The following DMXL2 variants were observed in gnomAD, a reference collection of about 807,000 sequenced individuals.
DMXL2 encodes the protein dmX-like protein 2.
DMXL2 carries 103 observed loss-of-function variants against 331.1 expected under a neutral mutation model. The observed-to-expected ratio is 0.31, with a 90% CI of 0.27 to 0.37. The LOEUF (loss-of-function observed/expected upper bound fraction) is 0.37. DMXL2 is among the 10% of genes least tolerant of loss of function. The probability of loss-of-function intolerance (pLI) is 1.00; values close to 1 mark genes in which losing one functional copy is unlikely to be tolerated. For synonymous variants in DMXL2, 1,281 were observed against 1,252.1 expected (o/e 1.02, Z -0.49); for missense variants, 3,171 against 3,642.9 (o/e 0.87, Z 3.33).
chr15:51,545,551 A>G (rs1596201912), intron 8 of DMXL2, 32 bp downstream of exon 8: 2 of 1,584,600 alleles, frequency 1.3e-6, no homozygotes, highest in Non-Finnish European at 1.7e-6. Context: ...ATTATCTTCA[A>G]AATTCATTTA....
intron 33 of DMXL2, chr15:51,460,142 T>TA (rs1314754192): frequency 1.0e-6 from 1 of 976,630 alleles, no homozygotes; most frequent in East Asian, 1.1e-4. Flanking sequence ...AAATGTTTAA[T>TA]AAAATCAGGC....
At chr15:51,598,571 C>A (rs192523340) in intron 1 of DMXL2, among the ~76,000 whole-genome samples, 2 of 152,240 alleles carry the variant, frequency 1.3e-5, no homozygotes, top group South Asian at 2.1e-4. Context: ...TGGAATAATT[C>A]TTCACTCTTT....
At chr15:51,580,352 T>C (rs1399139285) in intron 1 of DMXL2, among the ~76,000 whole-genome samples, 5 of 152,170 alleles carry the variant, frequency 3.3e-5, no homozygotes, top group Non-Finnish European at 7.3e-5. Context: ...GTTAGATAAA[T>C]GAAATACTTC....
Position 51,600,308 on chromosome 15 carries a change from C to T in DMXL2, c.87+22151G>A, listed in dbSNP as rs138690049. ...TTTTAGGAGAGCTAGGTAGAATCTA[C>T]CTGACTCACCCTAATGACCCCAAAC... On this transcript the variant is annotated intron_variant, in intron 1 of 43. Transcript: ENST00000560891. 3.8e-3 allele frequency among the ~76,000 whole-genome samples: 579 copies of T among 152,288 alleles called. 3 individuals carry two copies. Among genetic ancestry groups the T allele is most frequent in the African/African-American group, 0.012 (513 of 41,556 alleles).
At chr15:51,462,325 T>C (rs139785321) in intron 33 of DMXL2, among the ~76,000 whole-genome samples, 2 of 152,278 alleles carry the variant, frequency 1.3e-5, no homozygotes, top group Admixed American at 6.5e-5. Context: ...TTCTCATTGA[T>C]TGTGTTTGCC....
At chr15:51,530,074 C>T (rs2047914033) in intron 13 of DMXL2, among the ~76,000 whole-genome samples, 1 of 151,934 alleles carries the variant, frequency 6.6e-6, no homozygotes. Flanking sequence ...ATGATGAAAA[C>T]TCTAAAAAAA....
chr15:51,502,451 T>C (rs989617686), intron 17 of DMXL2, among the ~76,000 whole-genome samples: 1 of 151,834 alleles, frequency 6.6e-6, no homozygotes, highest in African/African-American at 2.4e-5. Context: ...GCTTCCCAAG[T>C]AGCTGGGATT....
Position 51,476,683 on chromosome 15 carries a change from AGCCATTCCT to A in DMXL2, c.6861_6869del (p.Gly2288_Ala2290del). The A allele has an allele frequency of 6.2e-7, 1 of 1,609,558 alleles. No individual in the cohort carries two copies. The highest frequency in any genetic ancestry group is 8.5e-7 in the Non-Finnish European group (1 of 1,178,692). ...GATCACTTAAAAGAAGTCCTTGATAAGCCATTCCTGTAAACTGATTTCCTTCTGTTTGAC... is the reference window on the plus strand; with the variant it reads ...GATCACTTAAAAGAAGTCCTTGATAAGTAAACTGATTTCCTTCTGTTTGAC... On this transcript the variant is annotated inframe_deletion, in exon 27 of 44. Transcript: ENST00000560891.
At chr15:51,527,085 G>A (rs1030365311) in intron 13 of DMXL2, among the ~76,000 whole-genome samples, 2 of 152,094 alleles carry the variant, frequency 1.3e-5, no homozygotes, top group Non-Finnish European at 2.9e-5. Flanking sequence ...ACTACCTCGA[G>A]GCATTTAATA....
chr15:51,455,082 G>GTCTGAAACAGACAC (rs1475080503), intron 40 of DMXL2, 69 bp downstream of exon 40: 1 of 1,270,842 alleles, frequency 7.9e-7, no homozygotes, highest in Non-Finnish European at 1.2e-6. Context: ...GAGATTCACT[G>GTCTGAAACAGACAC]TCTGAAACAG....
chr15:51,510,259 G>A (rs1444648368), intron 15 of DMXL2, among the ~76,000 whole-genome samples: 3 of 152,198 alleles, frequency 2.0e-5, no homozygotes, highest in Non-Finnish European at 4.4e-5. Context: ...AAGAGAGGAA[G>A]TCAAATTGTC....
chr15:51,467,713 C>T (rs2040711992), intron 29 of DMXL2, among the ~76,000 whole-genome samples: 1 of 151,068 alleles, frequency 6.6e-6, no homozygotes, highest in Non-Finnish European at 1.5e-5. Flanking sequence ...AGTTTATAGC[C>T]TTGGACCTAG....
intron 1 of DMXL2, among the ~76,000 whole-genome samples, chr15:51,616,782 C>T (rs953245670): frequency 6.6e-6 from 1 of 151,750 alleles, no homozygotes; most frequent in African/African-American, 2.4e-5. Flanking sequence ...ACTAAAAATA[C>T]AAAAATTAGC....
At chr15:51,614,147 A>T (rs2054144907) in intron 1 of DMXL2, among the ~76,000 whole-genome samples, 1 of 152,210 alleles carries the variant, frequency 6.6e-6, no homozygotes, top group African/African-American at 2.4e-5. Context: ...GTGCATGTAC[A>T]CAAAGGAAAA....
intron 18 of DMXL2, among the ~76,000 whole-genome samples, chr15:51,496,583 G>C (rs1032424940): frequency 2.0e-5 from 3 of 152,218 alleles, no homozygotes; most frequent in Admixed American, 1.3e-4. Flanking sequence ...GAGCAAAGGA[G>C]AGATTTAATG....
chr15:51,536,460 G>C lies in DMXL2; in HGVS notation c.2020C>G (p.Leu674Val), dbSNP rs770098718. Reference sequence around the variant, plus strand: ...TGACAATCTAATTCAGGAGTCAATAGAGCATTATGATGAGAGGATGTCAAT... The same window carrying C: ...TGACAATCTAATTCAGGAGTCAATACAGCATTATGATGAGAGGATGTCAAT... ...LLLTSSHHNALLTPELDCQWD... is the reference protein window; with the variant it reads ...LLLTSSHHNAVLTPELDCQWD... The change falls in exon 12 of 44, where the codon CTA becomes GTA. Residue 674 changes from leucine to valine, a missense_variant. Physicochemically the swap from Leu to Val is conservative, Grantham distance 32 (BLOSUM62 1). Transcript: ENST00000560891. The C allele has an allele frequency of 3.7e-6, 6 of 1,613,888 alleles. No individual in the cohort carries two copies. The highest frequency in any genetic ancestry group is 5.1e-6 in the Non-Finnish European group (6 of 1,179,976).
chr15:51,527,722 C>CAA (rs1021372436), intron 13 of DMXL2, among the ~76,000 whole-genome samples: 4 of 75,384 alleles, frequency 5.3e-5, no homozygotes, highest in Non-Finnish European at 8.4e-5. Context: ...ATTCTGCCTC[C>CAA]AAAAAAAAAA....
chr15:51,512,592 T>C (rs2046820422), intron 15 of DMXL2, among the ~76,000 whole-genome samples: 1 of 152,124 alleles, frequency 6.6e-6, no homozygotes, highest in Admixed American at 6.5e-5. Flanking sequence ...AGCTGATCAC[T>C]TGAGGTCAGG....
At chr15:51,476,231 G>T (rs2041571491) in intron 27 of DMXL2, among the ~76,000 whole-genome samples, 1 of 152,072 alleles carries the variant, frequency 6.6e-6, no homozygotes, top group Non-Finnish European at 1.5e-5. Flanking sequence ...ACACGCCCGA[G>T]AACAACTAAC....
Sources: allele counts gnomAD v4.1 joint callset (sites outside exome capture counted in the v4.1 genomes callset), GRCh38; gene constraint gnomAD v4.1.1; transcripts MANE v1.5; gene names NCBI Gene and HGNC (gene_info 2026-07-23, HGNC 2026-07-21).